Variants in MIER3 observed in about 807,000 individuals in gnomAD.
The protein encoded by MIER3 is mesoderm induction early response protein 3.
In MIER3, 9 loss-of-function variants were observed where a neutral mutation model predicts 63.2. That is an observed-to-expected ratio of 0.14 (90% CI 0.09 to 0.25). The LOEUF is 0.25. MIER3 is among the 10% of genes least tolerant of loss of function. The pLI, the probability that MIER3 is intolerant of heterozygous loss-of-function variation, is 1.00. For synonymous variants in MIER3, 205 were observed against 224.9 expected, an observed-to-expected ratio of 0.91 and a Z score of 0.79; for missense variants, 512 against 666.2, an observed-to-expected ratio of 0.77 and a Z score of 2.55.
At chr5:56,937,959 TA>T (rs1750509408) in intron 4 of MIER3, among the ~76,000 whole-genome samples, 1 of 151,956 alleles carries the variant, frequency 6.6e-6, no homozygotes, top group Non-Finnish European at 1.5e-5. Context: ...AGAGCTTATC[TA>T]AAGCTGTAGG....
At chr5:56,952,200 C>T, upstream of MIER3, 4 of 1,028,326 alleles carry the variant, frequency 3.9e-6, no homozygotes, top group Non-Finnish European at 4.8e-6. Context: ...GCGGTCCGCC[C>T]GGCACCCGCC....
chr5:56,933,537 C>T (rs1278776891), intron 7 of MIER3, 139 bp from the exon 8 acceptor site: 4 of 749,526 alleles, frequency 5.3e-6, no homozygotes, highest in South Asian at 5.1e-5. Context: ...TCCGATTATC[C>T]GTTAAGTAGG....
chr5:56,941,946 T>C (rs887022776), intron 3 of MIER3, among the ~76,000 whole-genome samples: 2 of 152,072 alleles, frequency 1.3e-5, no homozygotes, highest in Non-Finnish European at 2.9e-5. Flanking sequence ...CAGTTTTCTA[T>C]TTGAGCAATT....
rs544592388 is a variant in MIER3, at chr5:56,935,933, T to C, written c.437-182A>G. ...AGACACTGAAAATCCTAATAAAGTG[T>C]ATAGTATCCTGGCCGGTGCAGTGGC... On this transcript the variant is annotated intron_variant, in intron 5 of 12. Transcript: ENST00000381199. Among the ~76,000 whole-genome samples the C allele has an allele frequency of 7.2e-5, 11 of 152,286 alleles. No individual in the cohort carries two copies. In the South Asian group the frequency reaches 2.1e-3, roughly 29 times the overall value.
At position 56,938,947 on chromosome 5, in the gene MIER3, T is replaced by A. The variant is rs1436184569; in HGVS notation, c.251A>T (p.Asn84Ile). Residue 84 changes from asparagine to isoleucine, a missense_variant, in exon 4 of 13, where the codon AAT becomes ATT. Asn to Ile is a moderately radical substitution (Grantham distance 149). Around this residue, in one of 5 missense-constraint regions of MIER3, gnomAD observed 98 missense variants for 107.4 expected, o/e 0.91. Coordinates refer to ENST00000381199, the MANE Select transcript of MIER3 (RefSeq NM_001297599.2). ...GYEPTIPAVA[N>I]SSANSSPSEL... ...ACTTGGGGAACTATTTGCACTGGAATTTGCAACTGCTGGAATTGTAGGTTC... is the reference window on the plus strand; with the variant it reads ...ACTTGGGGAACTATTTGCACTGGAAATTGCAACTGCTGGAATTGTAGGTTC... 1 of 1,614,192 alleles carries A rather than the reference T, an allele frequency of 6.2e-7. No individual in the cohort carries two copies. Among genetic ancestry groups the A allele is most frequent in the East Asian group, 2.2e-5 (1 of 44,868 alleles).
intron 3 of MIER3, among the ~76,000 whole-genome samples, chr5:56,939,330 T>G (rs948532459): frequency 2.0e-5 from 3 of 152,214 alleles, no homozygotes; most frequent in African/African-American, 7.2e-5. Flanking sequence ...ACATAAAGAT[T>G]TGCCCTGAAA....
At chr5:56,924,844 C>G (rs1369854400) in intron 10 of MIER3, among the ~76,000 whole-genome samples, 1 of 152,222 alleles carries the variant, frequency 6.6e-6, no homozygotes, top group African/African-American at 2.4e-5. Flanking sequence ...TTCAGTATCT[C>G]TAACCTGACT....
intron 3 of MIER3, among the ~76,000 whole-genome samples, chr5:56,945,528 T>C (rs1215946938): frequency 1.3e-5 from 2 of 152,210 alleles, no homozygotes; most frequent in East Asian, 1.9e-4. Flanking sequence ...GTAATATGCA[T>C]ACATTAAAAT....
intron 3 of MIER3, among the ~76,000 whole-genome samples, chr5:56,945,429 C>T (rs962442379): frequency 7.2e-4 from 109 of 152,194 alleles, no homozygotes; most frequent in Non-Finnish European, 6.8e-4. Flanking sequence ...TGCCACTGCA[C>T]TCCAGCCTGC....
At chr5:56,952,032 T>A in intron 1 of MIER3, 62 bp downstream of exon 1, 1 of 1,240,168 alleles carries the variant, frequency 8.1e-7, no homozygotes, top group Non-Finnish European at 1.0e-6. Flanking sequence ...GGCTCGGGGG[T>A]CGCGGGGAGC....
intron 3 of MIER3, among the ~76,000 whole-genome samples, chr5:56,940,103 G>C (rs1414440398): frequency 3.9e-5 from 6 of 152,162 alleles, no homozygotes; most frequent in Non-Finnish European, 8.8e-5. Context: ...GCCGAGGCAG[G>C]CAGATCACTT....
rs1311213678 is a variant in MIER3, at chr5:56,921,928, C to T, written c.*1200G>A. The T allele has an allele frequency of 6.6e-6, 1 of 152,470 alleles. No individual in the cohort carries two copies. Among genetic ancestry groups the T allele is most frequent in the Non-Finnish European group, 1.5e-5 (1 of 67,990 alleles). The allele number at this position is 152,470 out of a possible 1,614,324, so 9.4% of individuals were successfully genotyped here. On this transcript the variant is annotated 3_prime_UTR_variant, in exon 13 of 13. Coordinates refer to ENST00000381199, the MANE Select transcript of MIER3 (RefSeq NM_001297599.2). ...GTTTAGGACAATGGCTTCTCATTCA[C>T]AATATTTGGAATAAAAATAAAACTG...
chr5:56,922,887 T>C lies in MIER3; in HGVS notation c.*241A>G. Reference sequence around the variant, plus strand: ...GAGATGAGGAAGAGAGAAGCAGAGCTTAAAGCTGCACCACAGAGTTCAATC... The same window carrying C: ...GAGATGAGGAAGAGAGAAGCAGAGCCTAAAGCTGCACCACAGAGTTCAATC... On this transcript the variant is annotated 3_prime_UTR_variant, in exon 13 of 13. Transcript: ENST00000381199. The C allele has an allele frequency of 2.0e-6, 1 of 494,892 alleles. No homozygotes were observed. Among genetic ancestry groups the C allele is most frequent in the Non-Finnish European group, 3.7e-6 (1 of 273,388 alleles). 30.7% of individuals were successfully genotyped at this position (494,892 alleles called of 1,614,324 possible). A position where few individuals can be genotyped will look rare whatever the true frequency, so the allele number is the denominator to read the frequency against.
At chr5:56,928,341 G>C (rs1009562131) in intron 10 of MIER3, 4 of 152,822 alleles carry the variant, frequency 2.6e-5, no homozygotes, top group Admixed American at 1.3e-4. Context: ...AGTTCCTGTT[G>C]CTTCCCATCC....
rs570858197 is a variant in MIER3 at position 56,921,106 on chromosome 5, G to T, written c.*2022C>A. ...GCATAGATAAACTGAATATATTACT[G>T]CATCAGCTACTGAGAATGGGCATGT... On this transcript the variant is annotated 3_prime_UTR_variant, in exon 13 of 13. Transcript: ENST00000381199. 1.3e-5 allele frequency: 2 copies of T among 152,618 alleles called. No homozygotes were observed. The highest frequency in any genetic ancestry group is 3.9e-4 in the East Asian group (2 of 5,178). The allele number at this position is 152,618 out of a possible 1,614,324, so 9.5% of individuals were successfully genotyped here.
chr5:56,946,858 T>A (rs1750841326), intron 3 of MIER3, 68 bp downstream of exon 3: 2 of 1,206,650 alleles, frequency 1.7e-6, no homozygotes, highest in African/African-American at 3.3e-5. Flanking sequence ...TTCAGGTAGA[T>A]TATTTTTAAA....
At chr5:56,925,233 A>C (rs1174818793) in intron 10 of MIER3, 9 of 350,746 alleles carry the variant, frequency 2.6e-5, no homozygotes, top group Non-Finnish European at 5.0e-5. Context: ...GAAATTTTCA[A>C]CATCAATACT....
intron 10 of MIER3, among the ~76,000 whole-genome samples, chr5:56,926,448 GA>G (rs201465195): frequency 6.7e-6 from 1 of 148,476 alleles, no homozygotes; most frequent in Non-Finnish European, 1.5e-5. Flanking sequence ...ATGAACACCT[GA>G]AAAAAAAACA....
At chr5:56,942,985 T>A (rs149052853) in intron 3 of MIER3, among the ~76,000 whole-genome samples, 60 of 151,770 alleles carry the variant, frequency 4.0e-4, no homozygotes, top group Non-Finnish European at 6.5e-4. Flanking sequence ...ATAAAAAAAA[T>A]TTTTTTTTAA....
Sources: allele counts gnomAD v4.1 joint callset (sites outside exome capture counted in the v4.1 genomes callset), GRCh38; gene constraint gnomAD v4.1.1; regional missense constraint gnomAD v4.1.1; transcripts MANE v1.5; gene names NCBI Gene and HGNC (gene_info 2026-07-23, HGNC 2026-07-21).